PALM2AKAP2: variants seen among roughly 807,000 people sequenced by gnomAD.
PALM2AKAP2 encodes PALM2 and AKAP2 fusion.
Under a neutral mutation model 71.5 loss-of-function variants are expected in PALM2AKAP2, and 37 were observed. The observed-to-expected ratio is 0.52, with a 90% CI of 0.40 to 0.68. The LOEUF (loss-of-function observed/expected upper bound fraction) is 0.68. Among genes scored for constraint, PALM2AKAP2 ranks in the 30% least tolerant of loss-of-function variants. PALM2AKAP2 has a pLI of 0.00. For synonymous variants in PALM2AKAP2, 468 were observed against 478.8 expected (o/e 0.98, Z 0.29); for missense variants, 1,224 against 1,191.8 (o/e 1.03, Z -0.40).
In PALM2AKAP2 at chr9:110,171,146, A is replaced by G. The variant is rs569485839; in HGVS notation, c.*2649A>G. Reference sequence around the variant, plus strand: ...AAACCATGTGCTTCATGAAACCTACAGTTGACAAGAGAATGTACAGCTAAG... The same window carrying G: ...AAACCATGTGCTTCATGAAACCTACGGTTGACAAGAGAATGTACAGCTAAG... On this transcript the variant is annotated 3_prime_UTR_variant, in exon 4 of 4. Coordinates refer to ENST00000374525, the Ensembl canonical transcript of PALM2AKAP2. 3.9e-5 allele frequency: 6 copies of G among 152,366 alleles called. No individual in the cohort carries two copies. In the East Asian group the frequency reaches 1.2e-3, roughly 29 times the overall value. 9.4% of individuals were successfully genotyped at this position (152,366 alleles called of 1,614,324 possible).
At chr9:110,124,261 G>A (rs1835550000) in intron 1 of PALM2AKAP2, among the ~76,000 whole-genome samples, 1 of 152,138 alleles carries the variant, frequency 6.6e-6, no homozygotes, top group South Asian at 2.1e-4. Context: ...GACCACAGGT[G>A]AACCCTGTTG....
intron 1 of PALM2AKAP2, among the ~76,000 whole-genome samples, chr9:109,680,649 G>C (rs946560699): frequency 6.6e-6 from 1 of 152,066 alleles, no homozygotes. Flanking sequence ...CTATTGTAAG[G>C]CATGTATTTT....
At chr9:109,964,240 G>C (rs143248657) in intron 6 of PALM2AKAP2, among the ~76,000 whole-genome samples, 410 of 152,360 alleles carry the variant, frequency 2.7e-3, no homozygotes, top group African/African-American at 9.1e-3. Flanking sequence ...TCTTACACCA[G>C]AGCTGTGTCT....
chr9:109,666,284 G>T (rs528398199), intron 1 of PALM2AKAP2, among the ~76,000 whole-genome samples: 1 of 152,324 alleles, frequency 6.6e-6, no homozygotes, highest in East Asian at 1.9e-4. Flanking sequence ...CATGCTAGGA[G>T]CTGCAGATCG....
At chr9:109,899,908 A>G (rs1268455559) in intron 3 of PALM2AKAP2, among the ~76,000 whole-genome samples, 1 of 152,230 alleles carries the variant, frequency 6.6e-6, no homozygotes, top group Admixed American at 6.5e-5. Flanking sequence ...TTACTGTGTC[A>G]TAGTACATTG....
At chr9:109,859,194 T>A (rs1312810932) in intron 1 of PALM2AKAP2, among the ~76,000 whole-genome samples, 1 of 152,218 alleles carries the variant, frequency 6.6e-6, no homozygotes, top group Non-Finnish European at 1.5e-5. Flanking sequence ...CTTTTAAAAA[T>A]TCTCTTGACC....
chr9:110,047,776 GTGTT>G (rs767724574), upstream of PALM2AKAP2, among the ~76,000 whole-genome samples: 6 of 152,182 alleles, frequency 3.9e-5, no homozygotes, highest in African/African-American at 1.2e-4. Context: ...TCTAGGTGGG[GTGTT>G]TGTTTGTGTG....
chr9:109,729,113 A>G (rs571172169), intron 1 of PALM2AKAP2, among the ~76,000 whole-genome samples: 12 of 152,172 alleles, frequency 7.9e-5, no homozygotes, highest in Non-Finnish European at 1.0e-4. Context: ...TTACTGCAGC[A>G]TATTTCATGC....
chr9:109,703,334 G>T (rs1401127101), intron 1 of PALM2AKAP2, among the ~76,000 whole-genome samples: 1 of 152,092 alleles, frequency 6.6e-6, no homozygotes, highest in African/African-American at 2.4e-5. Flanking sequence ...TTTCTGTTGT[G>T]ACTAAAGAGA....
At chr9:109,670,299 G>T (rs1351356247) in intron 1 of PALM2AKAP2, among the ~76,000 whole-genome samples, 1 of 152,004 alleles carries the variant, frequency 6.6e-6, no homozygotes, top group Non-Finnish European at 1.5e-5. Flanking sequence ...GCCCCAGTGC[G>T]TGTTGTTCCC....
chr9:109,998,604 A>C (rs556122882), intron 6 of PALM2AKAP2, among the ~76,000 whole-genome samples: 1 of 120,248 alleles, frequency 8.3e-6, no homozygotes, highest in Non-Finnish European at 1.6e-5. Flanking sequence ...GCTCTTCTTA[A>C]TATGGTACTT....
At chr9:109,643,546 C>T (rs1464298178) in intron 1 of PALM2AKAP2, among the ~76,000 whole-genome samples, 1 of 152,216 alleles carries the variant, frequency 6.6e-6, no homozygotes, top group East Asian at 1.9e-4. Flanking sequence ...GCTAAGGTTT[C>T]CTCCAGGTGT....
intron 6 of PALM2AKAP2, among the ~76,000 whole-genome samples, chr9:109,983,617 C>A (rs971174549): frequency 2.0e-5 from 3 of 152,158 alleles, no homozygotes; most frequent in Non-Finnish European, 4.4e-5. Flanking sequence ...TCAATCCCAG[C>A]ACTTTGGGAG....
At chr9:110,144,530 C>T (rs757546427) in intron 2 of PALM2AKAP2, among the ~76,000 whole-genome samples, 8 of 152,092 alleles carry the variant, frequency 5.3e-5, no homozygotes, top group Non-Finnish European at 7.4e-5. Context: ...CTCTTGAGGC[C>T]GGATATATTT....
At chr9:109,834,629 C>T (rs947736974) in intron 1 of PALM2AKAP2, among the ~76,000 whole-genome samples, 11 of 151,874 alleles carry the variant, frequency 7.2e-5, no homozygotes, top group African/African-American at 2.7e-4. Context: ...TGTCACAGCT[C>T]CGCCTGAGCT....
chr9:110,034,545 A>G (rs376028990), intron 7 of PALM2AKAP2, among the ~76,000 whole-genome samples: 3 of 151,292 alleles, frequency 2.0e-5, no homozygotes, highest in African/African-American at 7.3e-5. Flanking sequence ...CATAGAAAAG[A>G]CCATAGCGTA....
intron 1 of PALM2AKAP2, among the ~76,000 whole-genome samples, chr9:109,755,980 C>T (rs1828958281): frequency 6.6e-6 from 1 of 152,146 alleles, no homozygotes; most frequent in Non-Finnish European, 1.5e-5. Flanking sequence ...CATCACTGCA[C>T]ATGATGGTTT....
At chr9:109,680,541 A>G (rs960920619) in intron 1 of PALM2AKAP2, among the ~76,000 whole-genome samples, 1 of 152,224 alleles carries the variant, frequency 6.6e-6, no homozygotes, top group Non-Finnish European at 1.5e-5. Context: ...GGTGGAGCCT[A>G]TGGACTCCTT....
At chr9:110,035,033 T>C (rs1023432746) in intron 7 of PALM2AKAP2, among the ~76,000 whole-genome samples, 4 of 151,278 alleles carry the variant, frequency 2.6e-5, no homozygotes, top group Non-Finnish European at 5.9e-5. Flanking sequence ...CCATGGTAAA[T>C]GTTAGAAATT....
Sources: gnomAD v4.1 joint callset for allele counts (sites outside exome capture counted in the v4.1 genomes callset) on GRCh38, gnomAD v4.1.1 for gene constraint, MANE v1.5 for transcripts, NCBI Gene and HGNC (gene_info 2026-07-23, HGNC 2026-07-21) for gene names.